The following KIF16B variants were observed in gnomAD, a reference collection of about 807,000 sequenced individuals.
KIF16B encodes the protein kinesin-like protein KIF16B.
In KIF16B, 98 loss-of-function variants were observed where a neutral mutation model predicts 156.3. That is an observed-to-expected ratio of 0.63 (90% CI 0.53 to 0.74). The LOEUF is 0.74. Among genes scored for constraint, KIF16B ranks in the 30% least tolerant of loss-of-function variants. KIF16B has a pLI of 0.00. For missense variants in KIF16B, 1,421 were observed against 1,606.5 expected (o/e 0.88, Z 1.97); for synonymous variants, 564 against 583.7 (o/e 0.97, Z 0.49).
chr20:16,413,133 C>T (rs1192722379), intron 15 of KIF16B, among the ~76,000 whole-genome samples: 1 of 152,070 alleles, frequency 6.6e-6, no homozygotes, highest in Non-Finnish European at 1.5e-5. Flanking sequence ...AGCAGATGGA[C>T]TTTATGTGAT....
intron 22 of KIF16B, chr20:16,367,087 A>T: frequency 6.8e-6 from 10 of 1,478,466 alleles, no homozygotes; most frequent in Non-Finnish European, 9.0e-6. Flanking sequence ...CTGTTTTCAC[A>T]ATGCTTATTT....
intron 17 of KIF16B, among the ~76,000 whole-genome samples, chr20:16,391,042 T>C (rs1313131711): frequency 6.6e-6 from 1 of 151,992 alleles, no homozygotes; most frequent in African/African-American, 2.4e-5. Flanking sequence ...AGAGGAGGTG[T>C]TGTCTGAGCT....
At chr20:16,564,891 T>A (rs1374095718) in intron 1 of KIF16B, among the ~76,000 whole-genome samples, 1 of 151,722 alleles carries the variant, frequency 6.6e-6, no homozygotes, top group Non-Finnish European at 1.5e-5. Context: ...CTGTGCAGCC[T>A]CTCACACTGG....
chr20:16,528,043 C>T (rs1229098119), intron 2 of KIF16B, among the ~76,000 whole-genome samples: 1 of 152,018 alleles, frequency 6.6e-6, no homozygotes, highest in East Asian at 1.9e-4. Context: ...TTAATGTTCA[C>T]AGAACACAGT....
intron 24 of KIF16B, among the ~76,000 whole-genome samples, chr20:16,312,979 C>G (rs1180186009): frequency 6.6e-6 from 1 of 151,696 alleles, no homozygotes; most frequent in African/African-American, 2.4e-5. Context: ...ATCTTTTCAC[C>G]TTGTTTCCTA....
intron 23 of KIF16B, among the ~76,000 whole-genome samples, chr20:16,348,380 C>A (rs1392533304): frequency 1.2e-4 from 19 of 152,180 alleles, no homozygotes; most frequent in Admixed American, 1.2e-3. Context: ...TGGCCTTGGG[C>A]AAGTCATTCA....
chr20:16,550,694 C>A (rs1419180473), intron 1 of KIF16B, among the ~76,000 whole-genome samples: 1 of 151,816 alleles, frequency 6.6e-6, no homozygotes, highest in African/African-American at 2.4e-5. Context: ...CCACCATGTC[C>A]AGCTAATTTT....
At chr20:16,283,093 C>T (rs2122358747) in intron 25 of KIF16B, among the ~76,000 whole-genome samples, 1 of 152,282 alleles carries the variant, frequency 6.6e-6, no homozygotes, top group African/African-American at 2.4e-5. Context: ...CTCTGTCAGT[C>T]TAACTCAGGG....
At chr20:16,331,391 G>A (rs1454190549) in intron 24 of KIF16B, among the ~76,000 whole-genome samples, 1 of 152,158 alleles carries the variant, frequency 6.6e-6, no homozygotes, top group Admixed American at 6.5e-5. Flanking sequence ...TTTAGACAAA[G>A]TTCCAAAAGA....
In KIF16B at chr20:16,314,105, G is replaced by A. The variant is rs1017722049; in HGVS notation, c.3712-1687C>T. On this transcript the variant is annotated intron_variant, in intron 24 of 25. Coordinates refer to ENST00000354981, the MANE Select transcript of KIF16B (RefSeq NM_024704.5). The stretch of plus-strand genomic sequence containing the variant: ...CAGATCTTCACCAGCACTTGGTACA[G>A]TGGTCGTCCTTCTTAGCAATGCTGG... Among the ~76,000 whole-genome samples the A allele has an allele frequency of 2.0e-5, 3 of 152,216 alleles. No individual in the cohort carries two copies. In the East Asian group the frequency reaches 5.8e-4, roughly 29 times the overall value.
intron 23 of KIF16B, among the ~76,000 whole-genome samples, chr20:16,347,890 T>C (rs761706736): frequency 7.9e-5 from 12 of 152,222 alleles, no homozygotes; most frequent in Non-Finnish European, 1.2e-4. Flanking sequence ...TAGGGAGTAT[T>C]TCCAAAAGAT....
At chr20:16,311,572 C>T (rs1038719630) in intron 25 of KIF16B, among the ~76,000 whole-genome samples, 1 of 152,148 alleles carries the variant, frequency 6.6e-6, no homozygotes, top group Non-Finnish European at 1.5e-5. Flanking sequence ...AACACTAGGT[C>T]GTCATCAGCT....
At chr20:16,461,258 C>T (rs1051119913) in intron 12 of KIF16B, among the ~76,000 whole-genome samples, 3 of 151,842 alleles carry the variant, frequency 2.0e-5, no homozygotes, top group African/African-American at 4.8e-5. Flanking sequence ...TATACTTTCA[C>T]GATAATATAT....
At chr20:16,479,251 A>G (rs770647141) in intron 12 of KIF16B, among the ~76,000 whole-genome samples, 3 of 152,234 alleles carry the variant, frequency 2.0e-5, no homozygotes, top group Non-Finnish European at 4.4e-5. Context: ...AAACTAATGC[A>G]GGAACAGAAA....
intron 12 of KIF16B, among the ~76,000 whole-genome samples, chr20:16,460,692 G>T (rs1017009673): frequency 2.0e-5 from 3 of 152,012 alleles, no homozygotes; most frequent in Admixed American, 6.6e-5. Flanking sequence ...ATGAAGAATG[G>T]AGGAACCAAT....
In KIF16B at chr20:16,371,735, A is replaced by C; in HGVS notation, c.3377T>G (p.Val1126Gly). The C allele has an allele frequency of 6.2e-7, 1 of 1,613,642 alleles. No individual in the cohort carries two copies. Among genetic ancestry groups the C allele is most frequent in the Non-Finnish European group, 8.5e-7 (1 of 1,179,686 alleles). ...ATGCAAATCCTGAAGGCGTCTTTGG[A>C]CTTCTTCTTCAATGTAAGCATTGAT... ...ARINAYIEEE[V>G]QRRLQDLHRV... is the part of the protein sequence containing the mutation. Residue 1126 changes from valine (V) to glycine (G), a missense_variant, in exon 21 of 26, where the codon GTC becomes GGC. By Grantham distance (109) the Val-to-Gly change is moderately radical. Coordinates refer to ENST00000354981, the MANE Select transcript of KIF16B (RefSeq NM_024704.5).
chr20:16,456,096 C>CCAATACAATA (rs56823966), intron 12 of KIF16B, among the ~76,000 whole-genome samples: 19,974 of 143,276 alleles, frequency 0.14, 1,460 homozygotes, highest in African/African-American at 0.15. Flanking sequence ...TCTACTGGAG[C>CCAATACAATA]CAATACAATA....
chr20:16,469,060 C>A (rs753937738), intron 12 of KIF16B, among the ~76,000 whole-genome samples: 1 of 152,044 alleles, frequency 6.6e-6, no homozygotes, highest in East Asian at 1.9e-4. Context: ...TGAGAGCAGC[C>A]TGGGCAACAT....
In KIF16B at chr20:16,428,984, A is replaced by G. The variant is rs1370940430; in HGVS notation, c.1443T>C (p.Gly481=). 3.1e-6 allele frequency: 5 copies of G among 1,613,220 alleles called. No individual in the cohort carries two copies. The highest frequency in any genetic ancestry group is 1.3e-5 in the African/African-American group (1 of 74,882). Residue 481 remains glycine, a synonymous_variant, in exon 14 of 26, where the codon GGT becomes GGC. Transcript: ENST00000354981. ...CTTGCTCCGTGGAAGCATCGTCTCTACCAACGTATGTCTGACCTTCCTGGG... is the reference window on the plus strand; with the variant it reads ...CTTGCTCCGTGGAAGCATCGTCTCTGCCAACGTATGTCTGACCTTCCTGGG... ...YHLKEGQTYV[G]RDDASTEQDI...
Sources: allele counts gnomAD v4.1 joint callset (sites outside exome capture counted in the v4.1 genomes callset), GRCh38; gene constraint gnomAD v4.1.1; transcripts MANE v1.5; gene names NCBI Gene and HGNC (gene_info 2026-07-23, HGNC 2026-07-21).